ZNF48: variants seen among roughly 807,000 people sequenced by gnomAD.
ZNF48 encodes the protein zinc finger protein 553.
In ZNF48, 20 loss-of-function variants were observed where a neutral mutation model predicts 40.0. That is an observed-to-expected ratio of 0.50 (90% confidence interval 0.35 to 0.73). ZNF48 has a LOEUF of 0.73. ZNF48 is among the 30% of genes least tolerant of loss of function. The pLI, the probability that ZNF48 is intolerant of heterozygous loss-of-function variation, is 0.01. For synonymous variants in ZNF48, 298 were observed against 329.7 expected (o/e 0.90, Z 1.04); for missense variants, 726 against 851.9 (o/e 0.85, Z 1.84).
At chr16:30,395,258 C>T (rs1406352547), upstream of ZNF48, 1 of 456,260 alleles carries the variant, frequency 2.2e-6, no homozygotes, top group Non-Finnish European at 4.4e-6. This position sits in a 1 kb window ranked among gnomAD's most constrained non-coding sequence, Gnocchi z 5.9. Context: ...CGGTTAATAC[C>T]ACCGAGTTCG....
Position 30,397,550 on chromosome 16 carries a change from A to G in ZNF48, c.300A>G (p.Glu100=). Residue 100 remains glutamate, a synonymous_variant, in exon 3 of 3, where the codon GAA becomes GAG. Transcript: ENST00000613509. The surrounding 1 kb of genome is among the most constrained non-coding windows in gnomAD (Gnocchi z 4.1). Reference sequence around the variant, plus strand: ...ACAGAGGCCCCCGGCTCCTGGGTGAACCACGCTGGGGCCAGGCTAGTAGTG... The same window carrying G: ...ACAGAGGCCCCCGGCTCCTGGGTGAGCCACGCTGGGGCCAGGCTAGTAGTG... The part of the protein sequence containing the change: ...PRDRGPRLLG[E]PRWGQASSDR... 1 of 1,614,026 alleles carries G rather than the reference A, an allele frequency of 6.2e-7. No individual in the cohort carries two copies. Among genetic ancestry groups the G allele is most frequent in the East Asian group, 2.2e-5 (1 of 44,884 alleles).
At chr16:30,387,330 G>A (rs1273478389) in intron 1 of ZNF48, among the ~76,000 whole-genome samples, 1 of 147,914 alleles carries the variant, frequency 6.8e-6, no homozygotes, top group Non-Finnish European at 1.5e-5. Context: ...CTAGGTGGGC[G>A]GTTCACCTGA....
chr16:30,398,539 A>G lies in ZNF48; in HGVS notation c.1289A>G (p.Glu430Gly), dbSNP rs1346454115. Residue 430 changes from glutamate to glycine, a missense_variant, in exon 3 of 3, where the codon GAG becomes GGG. This residue lies in a region of ZNF48 where 378 missense variants were observed against 449.1 expected (regional missense o/e 0.84). Transcript: ENST00000613509. This position sits in a 1 kb window ranked among gnomAD's most constrained non-coding sequence, Gnocchi z 6.6. The stretch of plus-strand genomic sequence containing the variant: ...GAGCCTTTTGGCCTGCCTGGCTTGG[A>G]GCCAGAGCCTGGGGGCCCACAGGCT... ...SGEPFGLPGL[E>G]PEPGGPQAGE... The G allele has an allele frequency of 1.9e-6, 3 of 1,606,224 alleles. No homozygotes were observed. Among genetic ancestry groups the G allele is most frequent in the Admixed American group, 1.7e-5 (1 of 59,454 alleles).
upstream of ZNF48, chr16:30,394,699 A>G: frequency 6.5e-6 from 1 of 153,250 alleles, no homozygotes; most frequent in Non-Finnish European, 1.5e-5. Flanking sequence ...TGCGTCAATG[A>G]CTTTATCTCT....
Position 30,395,681 on chromosome 16 carries a change from C to A in ZNF48, c.-15-99C>A. 1 of 1,065,916 alleles carries A rather than the reference C, an allele frequency of 9.4e-7. No individual in the cohort carries two copies. Among genetic ancestry groups the A allele is most frequent in the Non-Finnish European group, 1.2e-6 (1 of 845,080 alleles). 66.0% of individuals were successfully genotyped at this position (1,065,916 alleles called of 1,614,324 possible). A position where few individuals can be genotyped will look rare whatever the true frequency, so the allele number is the denominator to read the frequency against. On this transcript the variant is annotated intron_variant, in intron 1 of 2. Coordinates refer to ENST00000613509, the MANE Select transcript of ZNF48 (RefSeq NM_001214909.2). The surrounding 1 kb of genome is among the most constrained non-coding windows in gnomAD (Gnocchi z 5.9). ...CCGCGCCCGTACCTGGGACCCGACG[C>A]CGCCCGGTGCCCGCGCTGGCCGGCA...
At chr16:30,380,119 C>A (rs1184423542) in intron 1 of ZNF48, 4 of 1,131,956 alleles carry the variant, frequency 3.5e-6, no homozygotes, top group Non-Finnish European at 4.9e-6. Context: ...CACAGAGATA[C>A]TGGGTGGTCA....
chr16:30,378,358 G>A (rs1336509220), exon 1 of ZNF48: 3 of 1,364,136 alleles, frequency 2.2e-6, no homozygotes, highest in East Asian at 2.5e-5. Flanking sequence ...GGGGGCGCTG[G>A]GCAGTGTGGG....
Position 30,395,718 on chromosome 16 carries a change from C to T in ZNF48, c.-15-62C>T. 1.6e-6 allele frequency: 2 copies of T among 1,274,390 alleles called. No individual in the cohort carries two copies. Among genetic ancestry groups the T allele is most frequent in the Non-Finnish European group, 2.0e-6 (2 of 997,368 alleles). The allele number at this position is 1,274,390 out of a possible 1,614,324, so 78.9% of individuals were successfully genotyped here. A position where few individuals can be genotyped will look rare whatever the true frequency, so the allele number is the denominator to read the frequency against. On this transcript the variant is annotated intron_variant, in intron 1 of 2. Transcript: ENST00000613509. The surrounding 1 kb of genome is among the most constrained non-coding windows in gnomAD (Gnocchi z 5.9). ...CGCGCTGGCCGGCAGAGGGCAGCGGCAGGGCGCCGCGGGCCACACATGGCT... is the reference window on the plus strand; with the variant it reads ...CGCGCTGGCCGGCAGAGGGCAGCGGTAGGGCGCCGCGGGCCACACATGGCT...
At chr16:30,390,495 C>T (rs149500455), upstream of ZNF48, among the ~76,000 whole-genome samples, 282 of 151,756 alleles carry the variant, frequency 1.9e-3, no homozygotes, top group Non-Finnish European at 2.8e-3. Flanking sequence ...CTGCAACATC[C>T]CCTCCCGGGT....
At chr16:30,393,098 T>TG (rs2049954374), upstream of ZNF48, among the ~76,000 whole-genome samples, 1 of 152,034 alleles carries the variant, frequency 6.6e-6, no homozygotes, top group African/African-American at 2.4e-5. Flanking sequence ...TTTCTTGAGA[T>TG]GAAGTCTCGC....
At position 30,381,551 on chromosome 16, in the gene ZNF48, G is replaced by T; in HGVS notation, c.-16+3141G>T. ...GGCAAGGCTAGCCAGGACTGTGGGA[G>T]TAGAATGTCATTTCTTTGGCTCCCT... is the stretch of plus-strand genomic sequence containing the variant. On this transcript the variant is annotated intron_variant, in intron 1 of 2. Coordinates refer to the ZNF48 transcript ENST00000528032. The surrounding 1 kb of genome is among the most constrained non-coding windows in gnomAD (Gnocchi z 4.3). The T allele has an allele frequency of 6.4e-7, 1 of 1,562,012 alleles. No individual in the cohort carries two copies. The highest frequency in any genetic ancestry group is 8.8e-7 in the Non-Finnish European group (1 of 1,138,680).
rs756130225 is a variant in ZNF48, at chr16:30,382,265, AC to A, written c.-16+3860del. ...TCCCCTCCGCAGTTCCCTCTCCAAA[AC>A]CCCCAGACCTGCCACCATTAGCGTG... On this transcript the variant is annotated intron_variant, in intron 1 of 2. Coordinates refer to the ZNF48 transcript ENST00000528032. The surrounding 1 kb of genome is among the most constrained non-coding windows in gnomAD (Gnocchi z 4.8). The A allele has an allele frequency of 6.2e-7, 1 of 1,612,890 alleles. No individual in the cohort carries two copies. Among genetic ancestry groups the A allele is most frequent in the Non-Finnish European group, 8.5e-7 (1 of 1,179,340 alleles).
At chr16:30,395,367 C>T (rs999853081), upstream of ZNF48, 1 of 451,556 alleles carries the variant, frequency 2.2e-6, no homozygotes, top group Non-Finnish European at 4.4e-6. This position sits in a 1 kb window ranked among gnomAD's most constrained non-coding sequence, Gnocchi z 5.9. Context: ...AGGCCCGCAG[C>T]TCCTCCAAGG....
intron 1 of ZNF48, chr16:30,379,640 C>CTTCTTTTT (rs2049813683): frequency 5.0e-6 from 1 of 198,758 alleles, no homozygotes; most frequent in Non-Finnish European, 8.9e-6. Context: ...GCCCCTTCCT[C>CTTCTTTTT]TTTTTTTTTT....
Position 30,381,695 on chromosome 16 carries a change from C to G in ZNF48, c.-16+3285C>G. ...GATAGGGAGCCAGCACAAACCAGTC[C>G]TGTAACTCTCCAGGGAGTCGCCACT... On this transcript the variant is annotated intron_variant, in intron 1 of 2. Transcript: ENST00000528032. This position sits in a 1 kb window ranked among gnomAD's most constrained non-coding sequence, Gnocchi z 4.3. 1 of 1,597,918 alleles carries G rather than the reference C, an allele frequency of 6.3e-7. No individual in the cohort carries two copies. The highest frequency in any genetic ancestry group is 8.5e-7 in the Non-Finnish European group (1 of 1,172,210).
At position 30,397,809 on chromosome 16, in the gene ZNF48, G is replaced by T; in HGVS notation, c.559G>T (p.Ala187Ser). 6.2e-7 allele frequency: 1 copy of T among 1,613,658 alleles called. No individual in the cohort carries two copies. The highest frequency in any genetic ancestry group is 1.1e-5 in the South Asian group (1 of 91,082). ...PPKIPRSRIP[A>S]GERPTICGEC... ...AAAGATTCCTCGGTCCCGGATCCCT[G>T]CTGGTGAGCGCCCCACTATCTGTGG... The change falls in exon 3 of 3, where the codon GCT becomes TCT. Residue 187 changes from alanine to serine, a missense_variant. Coordinates refer to ENST00000613509, the MANE Select transcript of ZNF48 (RefSeq NM_001214909.2). This position sits in a 1 kb window ranked among gnomAD's most constrained non-coding sequence, Gnocchi z 4.1.
chr16:30,396,737 C>T (rs957472582), intron 2 of ZNF48, among the ~76,000 whole-genome samples: 2 of 148,656 alleles, frequency 1.3e-5, no homozygotes, highest in Non-Finnish European at 3.0e-5. Flanking sequence ...CTGTGTCACC[C>T]AGGCTAGAGT....
chr16:30,392,950 T>C (rs2049953471), upstream of ZNF48, among the ~76,000 whole-genome samples: 1 of 152,216 alleles, frequency 6.6e-6, no homozygotes, highest in East Asian at 1.9e-4. Flanking sequence ...TCAATAGGTA[T>C]GTGTTGATTT....
intron 1 of ZNF48, chr16:30,378,488 C>T (rs1489810318): frequency 1.3e-6 from 2 of 1,577,192 alleles, no homozygotes; most frequent in Admixed American, 1.9e-5. Context: ...TTTGGGCCTG[C>T]ATCTTCTCCA....
Sources: gnomAD v4.1 joint callset for allele counts (sites outside exome capture counted in the v4.1 genomes callset) on GRCh38, gnomAD v4.1.1 for gene constraint, gnomAD v4.1.1 regional missense constraint, Gnocchi (gnomAD v3.1) non-coding constraint, MANE v1.5 for transcripts, NCBI Gene and HGNC (gene_info 2026-07-23, HGNC 2026-07-21) for gene names.